The following ORC3 variants were observed in gnomAD, a reference collection of about 807,000 sequenced individuals.
ORC3 encodes the protein origin recognition complex subunit 3, also known as homolog of latheo, Drosophila.
Under a neutral mutation model 100.7 loss-of-function variants are expected in ORC3, and 78 were observed. That is an observed-to-expected ratio of 0.77 (90% CI 0.65 to 0.94). The LOEUF is 0.94. ORC3 is among the 40% of genes least tolerant of loss of function. The pLI is 0.00. For missense variants in ORC3, 789 were observed against 823.9 expected (o/e 0.96, Z 0.52); for synonymous variants, 295 against 289.3 (o/e 1.02, Z -0.20).
At chr6:87,609,648 G>A (rs1778604969) in intron 7 of ORC3, 1 of 152,298 alleles carries the variant, frequency 6.6e-6, no homozygotes, top group Non-Finnish European at 1.5e-5. Flanking sequence ...TCCGCCTCCT[G>A]GGTTCAAGCA....
At chr6:87,603,573 C>T (rs774558692) in intron 4 of ORC3, 45 bp downstream of exon 4, 52 of 1,322,218 alleles carry the variant, frequency 3.9e-5, no homozygotes, top group Non-Finnish European at 4.3e-5. Context: ...CTGTGTATTT[C>T]GTTTTTAAAT....
chr6:87,648,293 G>A (rs1039148790), intron 13 of ORC3, among the ~76,000 whole-genome samples: 3 of 152,140 alleles, frequency 2.0e-5, no homozygotes, highest in African/African-American at 4.8e-5. Context: ...GTATTTTTCT[G>A]ATATTACCCC....
intron 16 of ORC3, 45 bp downstream of exon 16, chr6:87,658,063 T>C (rs191699020): frequency 3.1e-5 from 32 of 1,042,274 alleles, no homozygotes; most frequent in Admixed American, 8.7e-5. Flanking sequence ...CATGCTGTTT[T>C]TCCAAATAAC....
the ORC3 span, chr6:87,675,936 A>G: frequency 5.6e-6 from 9 of 1,608,092 alleles, no homozygotes; most frequent in Admixed American, 1.5e-4. Context: ...ATTGTTCTAT[A>G]AATAAAGGTA....
At chr6:87,611,525 G>A (rs956023356) in intron 7 of ORC3, among the ~76,000 whole-genome samples, 3 of 152,028 alleles carry the variant, frequency 2.0e-5, no homozygotes, top group East Asian at 1.9e-4. Flanking sequence ...GGTGGCTCAC[G>A]CCTGTAATCC....
chr6:87,626,294 G>C (rs940565353), intron 11 of ORC3, among the ~76,000 whole-genome samples: 8 of 152,112 alleles, frequency 5.3e-5, no homozygotes, highest in Non-Finnish European at 8.8e-5. Context: ...CCATTTTCAC[G>C]ATATTGATTC....
At chr6:87,597,807 G>A (rs1777576066) in intron 2 of ORC3, among the ~76,000 whole-genome samples, 1 of 151,662 alleles carries the variant, frequency 6.6e-6, no homozygotes. Context: ...TCCCACCTTG[G>A]CCTCCCAAAG....
At chr6:87,593,325 A>G (rs1053623148) in intron 1 of ORC3, among the ~76,000 whole-genome samples, 1 of 152,236 alleles carries the variant, frequency 6.6e-6, no homozygotes. Flanking sequence ...AACATTGGAG[A>G]AACAATTATA....
Position 87,661,855 on chromosome 6 carries a change from C to T in ORC3, c.1692-1148C>T, listed in dbSNP as rs550964249. Among the ~76,000 whole-genome samples the T allele has an allele frequency of 3.3e-5, 5 of 152,286 alleles. No individual in the cohort carries two copies. The South Asian group carries it at 6.2e-4, about 19-fold the overall frequency. ...TTATGTGTGCCAAAGCTTCTCCCCTCCAATTTGCCACCCTCCAGGCATCCA... is the reference window on the plus strand; with the variant it reads ...TTATGTGTGCCAAAGCTTCTCCCCTTCAATTTGCCACCCTCCAGGCATCCA... On this transcript the variant is annotated intron_variant, in intron 16 of 19. Transcript: ENST00000392844.
At chr6:87,650,946 G>A in intron 13 of ORC3, 2 of 328,014 alleles carry the variant, frequency 6.1e-6, no homozygotes, top group South Asian at 5.1e-5. Context: ...GGCAGAGGTT[G>A]CGGTGAGCCG....
intron 1 of ORC3, among the ~76,000 whole-genome samples, chr6:87,592,342 G>A (rs1394279035): frequency 6.6e-6 from 1 of 152,154 alleles, no homozygotes; most frequent in Non-Finnish European, 1.5e-5. Flanking sequence ...AAGAATATAA[G>A]GCACAGGGCT....
At chr6:87,677,511 T>C in the ORC3 span, among the ~76,000 whole-genome samples, 42 of 152,174 alleles carry the variant, frequency 2.8e-4, no homozygotes, top group Non-Finnish European at 5.9e-4. Flanking sequence ...ACATTGATGG[T>C]AACGTTATGA....
At chr6:87,657,113 T>G (rs1769775372) in intron 15 of ORC3, 131 bp downstream of exon 15, 1 of 644,394 alleles carries the variant, frequency 1.6e-6, no homozygotes, top group Non-Finnish European at 2.8e-6. Context: ...AGCAGACTTT[T>G]AACTCACTTC....
At chr6:87,622,293 A>G (rs561712911) in intron 11 of ORC3, among the ~76,000 whole-genome samples, 2 of 152,224 alleles carry the variant, frequency 1.3e-5, no homozygotes, top group Non-Finnish European at 2.9e-5. Context: ...GAGATCTGCT[A>G]TGTGAATCTT....
At position 87,610,539 on chromosome 6, in the gene ORC3, A is replaced by AT. The variant is rs1186151553; in HGVS notation, c.713+1319dup. Reference sequence around the variant, plus strand: ...CCCAGCTAATTTACTAATATACTTTATTTTTTTTTATTTTTTATTTTTTTT... The same window carrying AT: ...CCCAGCTAATTTACTAATATACTTTATTTTTTTTTTATTTTTTATTTTTTTT... On this transcript the variant is annotated intron_variant, in intron 7 of 19. Transcript: ENST00000392844. Among the ~76,000 whole-genome samples, 48 of 148,106 alleles carry AT rather than the reference A, an allele frequency of 3.2e-4. 1 individual carries two copies. Among genetic ancestry groups the AT allele is most frequent in the African/African-American group, 1.1e-3 (43 of 39,498 alleles).
chr6:87,646,694 C>T (rs1768817524), intron 13 of ORC3, among the ~76,000 whole-genome samples: 1 of 152,216 alleles, frequency 6.6e-6, no homozygotes, highest in African/African-American at 2.4e-5. Context: ...GGTTTTTCTC[C>T]TACCTCAGTA....
In ORC3 at chr6:87,599,354, A is replaced by ATTATTTATTTATTTATTTAT. The variant is rs71021304; in HGVS notation, c.80-2419_80-2400dup. On this transcript the variant is annotated intron_variant, in intron 2 of 19. Transcript: ENST00000392844. ...TTGTTCTGCTTTGTCTCTTTTTTTT[A>ATTATTTATTTATTTATTTAT]TTATTTATTTATTTATTTATTTATT... Among the ~76,000 whole-genome samples the ATTATTTATTTATTTATTTAT allele has an allele frequency of 1.5e-3, 223 of 145,158 alleles. 1 individual carries two copies. The highest frequency in any genetic ancestry group is 5.3e-3 in the African/African-American group (207 of 39,174).
In ORC3 at chr6:87,621,446, TA is replaced by T; in HGVS notation, c.1082del (p.Asn361IlefsTer28). On this transcript the variant is annotated frameshift_variant, in exon 10 of 20. Coordinates refer to ENST00000392844, the MANE Select transcript of ORC3 (RefSeq NM_012381.4). LOFTEE classifies it high-confidence loss of function. ...AKRRINFLSN[N>X]QCENIRRLPS... ...AAAGAAGAATAAATTTTTTATCAAATAATCAATGTGAAAACATCCGACGTCT... is the reference window on the plus strand; with the variant it reads ...AAAGAAGAATAAATTTTTTATCAAATATCAATGTGAAAACATCCGACGTCT... The T allele has an allele frequency of 6.2e-7, 1 of 1,603,368 alleles. No homozygotes were observed. The highest frequency in any genetic ancestry group is 8.5e-7 in the Non-Finnish European group (1 of 1,175,426).
intron 15 of ORC3, 27 bp downstream of exon 15, chr6:87,657,009 T>G (rs780627295): frequency 7.1e-7 from 1 of 1,418,304 alleles, no homozygotes; most frequent in East Asian, 2.3e-5. Flanking sequence ...CCCTTCCAGC[T>G]GCATCCTGTG....
Sources: allele counts gnomAD v4.1 joint callset (sites outside exome capture counted in the v4.1 genomes callset), GRCh38; gene constraint gnomAD v4.1.1; transcripts MANE v1.5; gene names NCBI Gene and HGNC (gene_info 2026-07-23, HGNC 2026-07-21).